The following ZFYVE26 variants were observed in gnomAD, a reference collection of about 807,000 sequenced individuals.
ZFYVE26 encodes zinc finger FYVE-type containing 26.
A neutral mutation model predicts 276.5 loss-of-function variants in ZFYVE26; 181 were observed. The ratio of observed to expected loss-of-function variants is 0.65; its 90% CI spans 0.58 to 0.74. The LOEUF is 0.74. Ranked by LOEUF, ZFYVE26 falls within the 30% of genes least tolerant of loss-of-function variation. The pLI is 0.00. For synonymous variants in ZFYVE26, 1,129 were observed against 1,203.1 expected, an observed-to-expected ratio of 0.94 and a Z score of 1.27; for missense variants, 2,821 against 3,097.9, an observed-to-expected ratio of 0.91 and a Z score of 2.12.
At chr14:67,784,466 T>C (rs1442281837) in intron 19 of ZFYVE26, 30 bp from the exon 20 acceptor site, 1 of 1,592,782 alleles carries the variant, frequency 6.3e-7, no homozygotes, top group Non-Finnish European at 8.6e-7. Context: ...GATCTTTGTT[T>C]GCACCACTGA....
At chr14:67,809,693 A>T (rs2040258672) in intron 3 of ZFYVE26, among the ~76,000 whole-genome samples, 1 of 151,488 alleles carries the variant, frequency 6.6e-6, no homozygotes, top group African/African-American at 2.4e-5. Context: ...AAGTGCTGGG[A>T]TTACAGATGT....
At position 67,734,405 on chromosome 14, in the gene ZFYVE26, C is replaced by T. The variant is rs553955355; in HGVS notation, n.2680-4586G>A. The stretch of plus-strand genomic sequence containing the variant: ...GATGGTTTCTTTTTGTAAAGAGTTC[C>T]GTTTGCCTTTCAATTTTTAGAGAAA... On this transcript the variant is annotated intron_variant and non_coding_transcript_variant, in intron 13 of 14. Transcript: ENST00000394455. 3.0e-4 allele frequency: 46 copies of T among 155,016 alleles called. No individual in the cohort carries two copies. The highest frequency in any genetic ancestry group is 5.6e-4 in the Non-Finnish European group (39 of 69,796). 9.6% of individuals were successfully genotyped at this position (155,016 alleles called of 1,614,324 possible).
intron 32 of ZFYVE26, among the ~76,000 whole-genome samples, chr14:67,764,841 C>T (rs991924910): frequency 6.6e-6 from 1 of 152,234 alleles, no homozygotes; most frequent in Non-Finnish European, 1.5e-5. Flanking sequence ...CTGCCCTGAG[C>T]CTAAAAATGG....
intron 20 of ZFYVE26, 80 bp downstream of exon 20, chr14:67,784,254 C>G: frequency 8.4e-7 from 1 of 1,188,986 alleles, no homozygotes; most frequent in Non-Finnish European, 1.3e-6. Context: ...TAACCCCAAG[C>G]ACCACCGCAC....
At chr14:67,793,432 C>A (rs978474669) in intron 14 of ZFYVE26, among the ~76,000 whole-genome samples, 176 bp downstream of exon 14, 3 of 152,038 alleles carry the variant, frequency 2.0e-5, no homozygotes, top group African/African-American at 7.2e-5. Flanking sequence ...AATTCACTAT[C>A]TTTCAATCCA....
chr14:67,730,756 A>G (rs556888906), intron 13 of ZFYVE26, among the ~76,000 whole-genome samples: 72 of 152,192 alleles, frequency 4.7e-4, no homozygotes, highest in African/African-American at 1.6e-3. Context: ...GGTGCCCGCC[A>G]CCACACCTGA....
chr14:67,776,352 G>A (rs925397037), intron 25 of ZFYVE26, among the ~76,000 whole-genome samples: 3 of 152,210 alleles, frequency 2.0e-5, no homozygotes, highest in African/African-American at 7.2e-5. Flanking sequence ...AAGGATCAGA[G>A]AGTAACTATT....
At chr14:67,801,954 C>T (rs1484525008) in intron 10 of ZFYVE26, 125 bp downstream of exon 10, 5 of 1,055,156 alleles carry the variant, frequency 4.7e-6, no homozygotes, top group African/African-American at 1.6e-5. Context: ...GAAACTATCC[C>T]TGGGTGAAAT....
rs1275574374 is a variant in ZFYVE26, at chr14:67,754,132, G to A, written c.7067C>T (p.Thr2356Ile). 1 of 1,614,242 alleles carries A rather than the reference G, an allele frequency of 6.2e-7. No homozygotes were observed. The highest frequency in any genetic ancestry group is 1.1e-5 in the South Asian group (1 of 91,084). Reference sequence around the variant, plus strand: ...AAACAGGGTTGGCAGAGGCAAAGTGGTGATTTGAGAGGTCCCAGCACTTTC... The same window carrying A: ...AAACAGGGTTGGCAGAGGCAAAGTGATGATTTGAGAGGTCCCAGCACTTTC... ...RCESAGTSQI[T>I]TLPLPTLFGN... The change falls in exon 38 of 42, where the codon ACC becomes ATC. Residue 2356 changes from threonine to isoleucine, a missense_variant. Thr to Ile is a moderately conservative substitution (Grantham distance 89). Transcript: ENST00000347230.
rs1451189756 is a variant in ZFYVE26 at position 67,783,312 on chromosome 14, C to A, written c.3840G>T (p.Glu1280Asp). 1.9e-6 allele frequency: 3 copies of A among 1,612,904 alleles called. No individual in the cohort carries two copies. Residue 1280 changes from glutamate (E) to aspartate (D), a missense_variant, in exon 21 of 42, where the codon GAG becomes GAT. By Grantham distance (45) the Glu-to-Asp change is conservative. Coordinates refer to ENST00000347230, the MANE Select transcript of ZFYVE26 (RefSeq NM_015346.4). ...LSTPSSPRTT[E>D]NPTLERKPYS... ...AGGGCTTTCTTTCCAATGTAGGGTT[C>A]TCAGTTGTCCTCGGGGAGCTCGGTG...
At chr14:67,764,750 T>A (rs1449897419) in intron 32 of ZFYVE26, among the ~76,000 whole-genome samples, 1 of 152,164 alleles carries the variant, frequency 6.6e-6, no homozygotes, top group Non-Finnish European at 1.5e-5. Flanking sequence ...ATAGAAACCA[T>A]TGCTGTAAAC....
Position 67,807,804 on chromosome 14 carries a change from G to C in ZFYVE26, c.480C>G (p.Leu160=). 2.5e-6 allele frequency: 4 copies of C among 1,614,142 alleles called. No individual in the cohort carries two copies. The highest frequency in any genetic ancestry group is 3.4e-6 in the Non-Finnish European group (4 of 1,180,010). The change falls in exon 5 of 42, where the codon CTC becomes CTG. Residue 160 remains leucine (L), a synonymous_variant. Transcript: ENST00000347230. ...GTGCTGGCTGGGGAGACTGCCTCAG[G>C]AGATCCCAGAGCACAGAGACAGCTT... is the stretch of plus-strand genomic sequence containing the variant. ...SSEAVSVLWD[L]LRQSPQPAQA...
chr14:67,794,286 T>C (rs2039897822), intron 12 of ZFYVE26, 47 bp from the exon 13 acceptor site: 3 of 1,580,312 alleles, frequency 1.9e-6, no homozygotes, highest in Non-Finnish European at 8.7e-7. Flanking sequence ...CAGCTCCTTA[T>C]AGAGTAGGAA....
chr14:67,762,968 T>G, intron 32 of ZFYVE26, 149 bp from the exon 33 acceptor site: 3 of 1,133,242 alleles, frequency 2.6e-6, no homozygotes, highest in Non-Finnish European at 3.8e-6. Context: ...AGTGGTCCGA[T>G]CTCGGCTCAC....
intron 2 of ZFYVE26, among the ~76,000 whole-genome samples, chr14:67,814,892 T>C (rs2040371008): frequency 6.6e-6 from 1 of 152,178 alleles, no homozygotes; most frequent in Non-Finnish European, 1.5e-5. Flanking sequence ...GCTAATACAA[T>C]ATGTAAACAG....
Position 67,807,622 on chromosome 14 carries a change from G to C in ZFYVE26, c.662C>G (p.Ala221Gly), listed in dbSNP as rs757759214. The change falls in exon 5 of 42, where the codon GCC (alanine) becomes GGC (glycine). Residue 221 changes from alanine (A) to glycine (G), a missense_variant. By Grantham distance (60) the Ala-to-Gly change is moderately conservative. Transcript: ENST00000347230. ...PPGVVDAIYG[A>G]LRTLRCPAEP... ...TGCGGGGCAACGCAGAGTCCGCAGG[G>C]CTCCATAGATGGCATCGACTACCCC... 6.8e-6 allele frequency: 11 copies of C among 1,614,086 alleles called. No homozygotes were observed. The South Asian group carries it at 7.7e-5, about 11-fold the overall frequency.
intron 20 of ZFYVE26, among the ~76,000 whole-genome samples, chr14:67,783,854 A>G (rs1432443106): frequency 1.3e-5 from 2 of 152,258 alleles, no homozygotes; most frequent in Non-Finnish European, 1.5e-5. Flanking sequence ...TACTATATAC[A>G]AGATTGCAAT....
At chr14:67,774,138 T>C (rs1297704109) in intron 27 of ZFYVE26, among the ~76,000 whole-genome samples, 1 of 152,220 alleles carries the variant, frequency 6.6e-6, no homozygotes, top group Non-Finnish European at 1.5e-5. Context: ...TGCAAACACA[T>C]GCGGTCATGA....
At chr14:67,809,751 C>T (rs1198583474) in intron 3 of ZFYVE26, among the ~76,000 whole-genome samples, 2 of 149,296 alleles carry the variant, frequency 1.3e-5, no homozygotes, top group Admixed American at 1.3e-4. Flanking sequence ...ACACAACATT[C>T]CTGGATATGT....
Sources: allele counts gnomAD v4.1 joint callset (sites outside exome capture counted in the v4.1 genomes callset), GRCh38; gene constraint gnomAD v4.1.1; transcripts MANE v1.5; gene names NCBI Gene and HGNC (gene_info 2026-07-23, HGNC 2026-07-21).